The following ADAMTS6 variants were observed in gnomAD, a reference collection of about 807,000 sequenced individuals.
The protein encoded by ADAMTS6 is A disintegrin and metalloproteinase with thrombospondin motifs 6.
Under a neutral mutation model 144.3 loss-of-function variants are expected in ADAMTS6, and 23 were observed. That is an observed-to-expected ratio of 0.16 (90% CI 0.11 to 0.23). The LOEUF (loss-of-function observed/expected upper bound fraction) is 0.23, where lower values mean the gene tolerates loss of function less well. ADAMTS6 is among the 10% of genes least tolerant of loss of function. The pLI, the probability that ADAMTS6 is intolerant of heterozygous loss-of-function variation, is 1.00. For synonymous variants in ADAMTS6, 444 were observed against 457.5 expected, an observed-to-expected ratio of 0.97 and a Z score of 0.38; for missense variants, 999 against 1,379.6, an observed-to-expected ratio of 0.72 and a Z score of 4.37.
rs752133540 is a variant in ADAMTS6, at chr5:65,300,120, T to C, written c.1235A>G (p.Asn412Ser). The change falls in exon 10 of 25, where the codon AAC becomes AGC. Residue 412 changes from asparagine (N) to serine (S), a missense_variant. By Grantham distance (46) the Asn-to-Ser change is conservative (BLOSUM62 1). Around this residue, in one of 3 missense-constraint regions of ADAMTS6, gnomAD observed 128 missense variants for 249.0 expected, o/e 0.51. Transcript: ENST00000381055. ...ACAAGAATTTCCAATTCCATCATGG[T>C]TCATACCAAAACTGTTTTAATGAGG... ...AHEIGHNFGM[N>S]HDGIGNSCGT... 17 of 1,613,720 alleles carry C rather than the reference T, an allele frequency of 1.1e-5. No individual in the cohort carries two copies. The highest frequency in any genetic ancestry group is 1.7e-6 in the Non-Finnish European group (2 of 1,179,938).
At chr5:65,265,274 C>T (rs1414232434) in intron 12 of ADAMTS6, among the ~76,000 whole-genome samples, 2 of 151,918 alleles carry the variant, frequency 1.3e-5, no homozygotes, top group Non-Finnish European at 2.9e-5. Flanking sequence ...AGGCAGCTGG[C>T]TAAACCAATA....
At chr5:65,429,271 T>A (rs1756808075) in intron 7 of ADAMTS6, among the ~76,000 whole-genome samples, 1 of 152,136 alleles carries the variant, frequency 6.6e-6, no homozygotes, top group African/African-American at 2.4e-5. Flanking sequence ...TTCCCCCCAG[T>A]TTATTACCAT....
chr5:65,379,288 G>A (rs1751826917), intron 7 of ADAMTS6, among the ~76,000 whole-genome samples: 1 of 152,072 alleles, frequency 6.6e-6, no homozygotes, highest in Non-Finnish European at 1.5e-5. Context: ...TTTAACCTTT[G>A]AATATAGATA....
intron 7 of ADAMTS6, among the ~76,000 whole-genome samples, chr5:65,418,431 C>G (rs1388599933): frequency 3.9e-5 from 6 of 151,956 alleles, no homozygotes; most frequent in African/African-American, 1.4e-4. Flanking sequence ...AGATTTAAAA[C>G]ACTCCTCTGC....
chr5:65,402,639 T>A (rs1754022868), intron 7 of ADAMTS6, among the ~76,000 whole-genome samples: 2 of 151,956 alleles, frequency 1.3e-5, no homozygotes, highest in Non-Finnish European at 2.9e-5. Flanking sequence ...ATGCACATAC[T>A]CCGCCCTCCT....
intron 7 of ADAMTS6, among the ~76,000 whole-genome samples, chr5:65,396,890 T>C (rs1255666330): frequency 1.3e-5 from 2 of 152,238 alleles, no homozygotes; most frequent in Non-Finnish European, 2.9e-5. Context: ...GCTTCTATCT[T>C]CTGAGAGATT....
rs139205391 is a variant in ADAMTS6, at chr5:65,338,621, C to T, written c.1074-4536G>A. 6.4e-3 allele frequency among the ~76,000 whole-genome samples: 973 copies of T among 152,270 alleles called. 13 individuals carry two copies. Among genetic ancestry groups the T allele is most frequent in the African/African-American group, 0.022 (921 of 41,568 alleles). On this transcript the variant is annotated intron_variant, in intron 7 of 24. Transcript: ENST00000381055. ...CAAGCCTGAGAAGCAGCCCCATGGGCTGCCCCTGAAAGACACACCCTCCCA... is the reference window on the plus strand; with the variant it reads ...CAAGCCTGAGAAGCAGCCCCATGGGTTGCCCCTGAAAGACACACCCTCCCA...
chr5:65,263,007 A>G (rs201515168), intron 12 of ADAMTS6, 45 bp from the exon 13 acceptor site: 122 of 1,611,918 alleles, frequency 7.6e-5, no homozygotes, highest in Non-Finnish European at 1.0e-4. Flanking sequence ...TTAGGCAGAT[A>G]GAGCTATCAG....
Position 65,275,411 on chromosome 5 carries a change from GAAAGA to G in ADAMTS6, c.1513-1969_1513-1965del, listed in dbSNP as rs1161420887. Among the ~76,000 whole-genome samples the G allele has an allele frequency of 3.0e-3, 379 of 125,952 alleles. 1 individual carries two copies. Among genetic ancestry groups the G allele is most frequent in the African/African-American group, 0.011 (357 of 32,094 alleles). 82.6% of individuals were successfully genotyped at this position (125,952 alleles called of 152,430 possible). On this transcript the variant is annotated intron_variant, in intron 11 of 24. Coordinates refer to ENST00000381055, the MANE Select transcript of ADAMTS6 (RefSeq NM_197941.4). ...AGAAAGAAAGAAAGAAAGAAAGAAAGAAAGAAAAGAAAGAAAGAAAGAAAAGAAAA... is the reference window on the plus strand; with the variant it reads ...AGAAAGAAAGAAAGAAAGAAAGAAAGAAAGAAAGAAAGAAAGAAAAGAAAA...
chr5:65,170,585 A>G (rs2112069989), intron 24 of ADAMTS6, 32 bp downstream of exon 24: 2 of 1,610,430 alleles, frequency 1.2e-6, no homozygotes, highest in Non-Finnish European at 1.7e-6. Context: ...GGTCATTAGA[A>G]ACCACAGGCC....
At chr5:65,304,630 C>G (rs1018297580) in intron 9 of ADAMTS6, among the ~76,000 whole-genome samples, 2 of 152,126 alleles carry the variant, frequency 1.3e-5, no homozygotes, top group Non-Finnish European at 2.9e-5. Context: ...CGGGATCTCT[C>G]TATGTTACCC....
At chr5:65,425,005 G>T (rs1383741573) in intron 7 of ADAMTS6, among the ~76,000 whole-genome samples, 3 of 151,198 alleles carry the variant, frequency 2.0e-5, no homozygotes, top group South Asian at 4.2e-4. Flanking sequence ...TGTTTGTTTT[G>T]TTTTTTTTGA....
chr5:65,375,368 A>G (rs1280612641), intron 7 of ADAMTS6, among the ~76,000 whole-genome samples: 1 of 151,820 alleles, frequency 6.6e-6, no homozygotes, highest in East Asian at 1.9e-4. Context: ...TCATCTGACA[A>G]AGGGCTAATA....
intron 9 of ADAMTS6, among the ~76,000 whole-genome samples, chr5:65,313,469 T>C (rs761855830): frequency 3.9e-5 from 6 of 152,156 alleles, no homozygotes; most frequent in Non-Finnish European, 8.8e-5. Flanking sequence ...TTTATGTGTG[T>C]GAATTCATAG....
Position 65,151,742 on chromosome 5 carries a change from G to T in ADAMTS6, c.*94C>A. On this transcript the variant is annotated 3_prime_UTR_variant, in exon 25 of 25. Transcript: ENST00000381055. The stretch of plus-strand genomic sequence containing the variant: ...ACGTTTTCCACAGGGTAATGCATTT[G>T]CAAGGACATCAATCCTCTTCCTCTG... The T allele has an allele frequency of 1.8e-6, 2 of 1,107,730 alleles. No individual in the cohort carries two copies. Among genetic ancestry groups the T allele is most frequent in the Non-Finnish European group, 2.7e-6 (2 of 742,158 alleles). 68.6% of individuals were successfully genotyped at this position (1,107,730 alleles called of 1,614,324 possible). A position where few individuals can be genotyped will look rare whatever the true frequency, so the allele number is the denominator to read the frequency against.
chr5:65,477,775 T>C (rs547669356), intron 1 of ADAMTS6, among the ~76,000 whole-genome samples: 1 of 151,914 alleles, frequency 6.6e-6, no homozygotes, highest in South Asian at 2.1e-4. Context: ...TTTTTTTTTT[T>C]TTGGCCTCCA....
chr5:65,425,915 C>T (rs1399397984), intron 7 of ADAMTS6, among the ~76,000 whole-genome samples: 1 of 152,090 alleles, frequency 6.6e-6, no homozygotes, highest in Non-Finnish European at 1.5e-5. Flanking sequence ...AGGCGCCCAC[C>T]ACCGCGCCTG....
chr5:65,349,851 CAA>C (rs59275360), intron 7 of ADAMTS6, among the ~76,000 whole-genome samples: 25 of 107,596 alleles, frequency 2.3e-4, no homozygotes, highest in Non-Finnish European at 2.0e-4. Context: ...GAGACTGTCT[CAA>C]AAAAAAAAAA....
At chr5:65,454,880 G>A (rs765481756) in intron 4 of ADAMTS6, among the ~76,000 whole-genome samples, 2 of 152,196 alleles carry the variant, frequency 1.3e-5, no homozygotes, top group Non-Finnish European at 2.9e-5. Context: ...TTGAGGTTAA[G>A]CAGATGACCC....
Sources: allele counts gnomAD v4.1 joint callset (sites outside exome capture counted in the v4.1 genomes callset), GRCh38; gene constraint gnomAD v4.1.1; regional missense constraint gnomAD v4.1.1; transcripts MANE v1.5; gene names NCBI Gene and HGNC (gene_info 2026-07-23, HGNC 2026-07-21).